Variants in LCN12 observed in about 807,000 individuals in gnomAD.
LCN12 encodes the protein epididymal-specific lipocalin-12.
A neutral mutation model predicts 23.7 loss-of-function variants in LCN12; 15 were observed. The observed-to-expected ratio is 0.63, with a 90% CI of 0.42 to 0.97. LCN12 has a LOEUF of 0.97. LCN12 is among the 50% of genes least tolerant of loss of function. The pLI, the probability that LCN12 is intolerant of heterozygous loss-of-function variation, is 0.00. For synonymous variants in LCN12, 116 were observed against 111.5 expected (o/e 1.04, Z -0.25); for missense variants, 219 against 249.6 (o/e 0.88, Z 0.83).
Position 136,952,926 on chromosome 9 carries a change from G to A in LCN12, c.149G>A (p.Gly50Asp). 3 of 1,613,756 alleles carry A rather than the reference G, an allele frequency of 1.9e-6. No homozygotes were observed. The highest frequency in any genetic ancestry group is 1.7e-6 in the Non-Finnish European group (2 of 1,179,960). The change falls in exon 2 of 6, where the codon GGC becomes GAC. Residue 50 changes from glycine (G) to aspartate (D), a missense_variant. Physicochemically the swap from Gly to Asp is moderately conservative, Grantham distance 94. Transcript: ENST00000371633. ...QGEWFVLGLA[G>D]NSFRPEHRAL... ...GAATGGTTCGTCCTGGGCCTGGCGG[G>A]CAACAGCTTCAGGCCGGAGCACAGG... is the stretch of plus-strand genomic sequence containing the variant.
Position 136,954,201 on chromosome 9 carries a change from C to G in LCN12, c.496C>G (p.Leu166Val). The G allele has an allele frequency of 6.3e-7, 1 of 1,576,878 alleles. No individual in the cohort carries two copies. Among genetic ancestry groups the G allele is most frequent in the Non-Finnish European group, 8.6e-7 (1 of 1,160,710 alleles). ...CGGGACGCTGGACCAGTTCATCTGC[C>G]TGGGCAGAGCTCAGGGCCTCTCGGA... ...PPGTLDQFIC[L>V]GRAQGLSDDN... The change falls in exon 5 of 6, where the codon CTG becomes GTG. Residue 166 changes from leucine to valine, a missense_variant. Physicochemically the swap from Leu to Val is conservative, Grantham distance 32. Transcript: ENST00000371633.
chr9:136,952,559 G>T, intron 1 of LCN12, 118 bp downstream of exon 1: 2 of 762,482 alleles, frequency 2.6e-6, no homozygotes, highest in Non-Finnish European at 4.2e-6. Context: ...GTGCTTCCAG[G>T]AGCCCCCAGG....
chr9:136,956,230 A>G (rs1851316275), downstream of LCN12, among the ~76,000 whole-genome samples: 1 of 152,066 alleles, frequency 6.6e-6, no homozygotes, highest in South Asian at 2.1e-4. Context: ...GCGGCCATGG[A>G]CCCTAGTGGT....
In LCN12 at chr9:136,954,182, G is replaced by T; in HGVS notation, c.477G>T (p.Thr159=). The T allele has an allele frequency of 6.4e-7, 1 of 1,570,932 alleles. No individual in the cohort carries two copies. The highest frequency in any genetic ancestry group is 1.4e-5 in the African/African-American group (1 of 74,008). Reference sequence around the variant, plus strand: ...GGAGCTGGTTGCTGCCTCCCGGGACGCTGGACCAGTTCATCTGCCTGGGCA... The same window carrying T: ...GGAGCTGGTTGCTGCCTCCCGGGACTCTGGACCAGTTCATCTGCCTGGGCA... ...LGRSWLLPPG[T]LDQFICLGRA... is the part of the protein sequence containing the mutation. Residue 159 remains threonine (T), a synonymous_variant, in exon 5 of 6, where the codon ACG becomes ACT. Transcript: ENST00000371633.
downstream of LCN12, chr9:136,955,552 C>T (rs1005724984): frequency 3.3e-5 from 24 of 728,390 alleles, no homozygotes; most frequent in Admixed American, 3.3e-4. Flanking sequence ...AGGAGCAAGG[C>T]GACCGCTGAC....
At chr9:136,954,515 C>A (rs779590284) in intron 5 of LCN12, 66 of 539,588 alleles carry the variant, frequency 1.2e-4, no homozygotes, top group Non-Finnish European at 2.0e-4. Context: ...CGCCCCAGGT[C>A]CCCTGTCCCG....
At chr9:136,953,538 C>T (rs1851227655) in intron 2 of LCN12, 162 bp from the exon 3 acceptor site, 2 of 590,510 alleles carry the variant, frequency 3.4e-6, no homozygotes, top group Admixed American at 6.3e-5. Flanking sequence ...GAGTTTGAGA[C>T]CAGCCTGAGC....
At chr9:136,953,329 G>A (rs1020439309) in intron 2 of LCN12, 10 of 495,282 alleles carry the variant, frequency 2.0e-5, no homozygotes, top group Admixed American at 3.5e-5. Context: ...TTCAGGGGCC[G>A]GGCGCGCTGG....
chr9:136,951,163 A>C, upstream of LCN12: 1 of 152,102 alleles, frequency 6.6e-6, no homozygotes, highest in African/African-American at 2.4e-5. Context: ...CAGGAAGGGG[A>C]CTCCACTCCC....
At chr9:136,953,118 T>A (rs884218) in intron 2 of LCN12, 90 bp downstream of exon 2, 1 of 1,539,682 alleles carries the variant, frequency 6.5e-7, no homozygotes. Flanking sequence ...CCATGGGCCC[T>A]GTCCCAGCAC....
At chr9:136,950,707 C>A (rs377556669), upstream of LCN12, among the ~76,000 whole-genome samples, 41 of 152,298 alleles carry the variant, frequency 2.7e-4, no homozygotes, top group African/African-American at 7.9e-4. Flanking sequence ...GGGGAATGAA[C>A]AGATTATTTC....
chr9:136,955,408 G>GCAGCTCC lies in LCN12; in HGVS notation c.*10_*16dup, dbSNP rs1009375567. 5 of 1,612,904 alleles carry GCAGCTCC rather than the reference G, an allele frequency of 3.1e-6. No homozygotes were observed. Among genetic ancestry groups the GCAGCTCC allele is most frequent in the Non-Finnish European group, 4.2e-6 (5 of 1,179,534 alleles). On this transcript the variant is annotated 3_prime_UTR_variant, in exon 6 of 6. Transcript: ENST00000371633. ...AGGCCAGCGTCTGTTGAAGGATGAA[G>GCAGCTCC]CAGCTCCTGTCCGGCCCAGCCCTGC...
intron 2 of LCN12, 152 bp from the exon 3 acceptor site, chr9:136,953,548 C>A (rs1851227726): frequency 5.0e-6 from 3 of 599,580 alleles, no homozygotes; most frequent in Non-Finnish European, 8.8e-6. Context: ...CCAGCCTGAG[C>A]AACATAGTTA....
rs1389027386 is a variant in LCN12, at chr9:136,954,490, C to T, written c.550+235C>T. On this transcript the variant is annotated intron_variant, in intron 5 of 5. Transcript: ENST00000371633. ...TCCTCCCACCCCGGGTCTCCTGTCC[C>T]GGGCCACCTCCTCCCGCCCCAGGTC... The T allele has an allele frequency of 6.5e-5, 38 of 583,370 alleles. 1 individual carries two copies. The highest frequency in any genetic ancestry group is 9.0e-5 in the Non-Finnish European group (29 of 323,260). 36.1% of individuals were successfully genotyped at this position (583,370 alleles called of 1,614,324 possible). A position where few individuals can be genotyped will look rare whatever the true frequency, so the allele number is the denominator to read the frequency against.
At chr9:136,950,100 A>C (rs577125717), upstream of LCN12, among the ~76,000 whole-genome samples, 7 of 152,050 alleles carry the variant, frequency 4.6e-5, no homozygotes, top group African/African-American at 1.4e-4. Context: ...CGGCCCAGCC[A>C]GGCAAAGGCA....
intron 3 of LCN12, 24 bp from the exon 4 acceptor site, chr9:136,953,824 G>T: frequency 1.3e-6 from 2 of 1,597,604 alleles, no homozygotes; most frequent in Non-Finnish European, 1.7e-6. Context: ...GGCCCACAGG[G>T]ATGTGACGTC....
At chr9:136,952,787 T>C in intron 1 of LCN12, 105 bp from the exon 2 acceptor site, 1 of 1,368,228 alleles carries the variant, frequency 7.3e-7, no homozygotes, top group Non-Finnish European at 1.0e-6. Context: ...GGAGCACTGC[T>C]CTGTGAGGGG....
intron 2 of LCN12, 79 bp from the exon 3 acceptor site, chr9:136,953,621 G>A: frequency 9.1e-7 from 1 of 1,096,920 alleles, no homozygotes; most frequent in South Asian, 1.6e-5. Flanking sequence ...ATAAGTGGCT[G>A]AAATCTCCTG....
At chr9:136,954,535 C>T in intron 5 of LCN12, 1 of 479,910 alleles carries the variant, frequency 2.1e-6, no homozygotes, top group Non-Finnish European at 3.9e-6. Flanking sequence ...GGGCCACCTC[C>T]CCCTGCCCCT....
Sources: allele counts gnomAD v4.1 joint callset (sites outside exome capture counted in the v4.1 genomes callset), GRCh38; gene constraint gnomAD v4.1.1; transcripts MANE v1.5; gene names NCBI Gene and HGNC (gene_info 2026-07-23, HGNC 2026-07-21).